F13A1: variants seen among roughly 807,000 people sequenced by gnomAD.
F13A1 encodes FSF, A subunit.
F13A1 carries 47 observed loss-of-function variants against 80.1 expected under a neutral mutation model. The observed-to-expected ratio is 0.59, with a 90% CI of 0.46 to 0.75. F13A1 has a LOEUF of 0.75. Among genes scored for constraint, F13A1 ranks in the 30% least tolerant of loss-of-function variants. The pLI, the probability that F13A1 is intolerant of heterozygous loss-of-function variation, is 0.00. For synonymous variants in F13A1, 349 were observed against 344.9 expected (o/e 1.01, Z -0.13); for missense variants, 817 against 930.4 (o/e 0.88, Z 1.59).
At chr6:6,203,934 C>T (rs537524744) in intron 8 of F13A1, among the ~76,000 whole-genome samples, 24 of 152,058 alleles carry the variant, frequency 1.6e-4, no homozygotes, top group South Asian at 4.2e-4. Context: ...AGGTTCCCTC[C>T]GAAACACTGA....
chr6:6,245,092 T>G (rs557423867), intron 6 of F13A1, among the ~76,000 whole-genome samples: 1 of 152,210 alleles, frequency 6.6e-6, no homozygotes, highest in South Asian at 2.1e-4. Flanking sequence ...GGAACAGTTA[T>G]GACAACTTGC....
chr6:6,176,425 G>T (rs1256581287), intron 11 of F13A1, among the ~76,000 whole-genome samples: 3 of 152,196 alleles, frequency 2.0e-5, no homozygotes, highest in African/African-American at 7.2e-5. Context: ...TAAAATAAGG[G>T]TGTCTACATC....
chr6:6,227,792 G>A (rs1742929), intron 6 of F13A1, among the ~76,000 whole-genome samples: 19,765 of 152,066 alleles, frequency 0.13, 1,364 homozygotes, highest in East Asian at 0.15. Context: ...TCAGCTAAGG[G>A]GAAGAGTAAG....
intron 6 of F13A1, among the ~76,000 whole-genome samples, chr6:6,229,751 AC>A (rs576475637): frequency 4.0e-5 from 6 of 151,896 alleles, no homozygotes; most frequent in South Asian, 2.1e-4. Context: ...GACCCGAGAG[AC>A]CCCCCCAAAT....
chr6:6,179,085 T>C (rs1159050560), intron 11 of F13A1, among the ~76,000 whole-genome samples: 2 of 152,194 alleles, frequency 1.3e-5, no homozygotes, highest in Admixed American at 1.3e-4. Context: ...ATTTTTGTTT[T>C]TAACACAGCA....
chr6:6,252,726 T>C (rs1273107031), intron 4 of F13A1, among the ~76,000 whole-genome samples: 1 of 152,208 alleles, frequency 6.6e-6, no homozygotes, highest in Non-Finnish European at 1.5e-5. Context: ...CAATTGGATG[T>C]GAACATTCAG....
chr6:6,309,067 C>G (rs1484632154), intron 2 of F13A1, among the ~76,000 whole-genome samples: 1 of 152,036 alleles, frequency 6.6e-6, no homozygotes, highest in African/African-American at 2.4e-5. Flanking sequence ...GCTCACTGTC[C>G]CATGCTCTTA....
At chr6:6,307,384 C>G (rs1461894345) in intron 2 of F13A1, among the ~76,000 whole-genome samples, 2 of 152,160 alleles carry the variant, frequency 1.3e-5, no homozygotes, top group East Asian at 3.9e-4. Context: ...TTCTCTAGAC[C>G]TCTCTATTCC....
intron 2 of F13A1, among the ~76,000 whole-genome samples, chr6:6,312,394 G>A (rs1016637284): frequency 7.5e-4 from 112 of 148,626 alleles, no homozygotes; most frequent in East Asian, 3.2e-3. Context: ...CTTGGGGGCC[G>A]GGCGCGGTGG....
intron 4 of F13A1, among the ~76,000 whole-genome samples, chr6:6,265,299 G>A (rs1211700761): frequency 6.6e-6 from 1 of 152,156 alleles, no homozygotes; most frequent in Non-Finnish European, 1.5e-5. Context: ...AGAGAGCAGT[G>A]CATATGGGGT....
At chr6:6,183,529 A>G (rs2151077656) in intron 10 of F13A1, among the ~76,000 whole-genome samples, 1 of 152,354 alleles carries the variant, frequency 6.6e-6, no homozygotes, top group East Asian at 1.9e-4. Context: ...CTGATTAAGG[A>G]GGTGGGACCT....
intron 12 of F13A1, 64 bp from the exon 13 acceptor site, chr6:6,167,682 C>T: frequency 1.3e-6 from 2 of 1,579,430 alleles, no homozygotes; most frequent in Non-Finnish European, 1.7e-6. Context: ...CTTTACTTTT[C>T]TCCAAGTTTC....
intron 4 of F13A1, among the ~76,000 whole-genome samples, chr6:6,255,963 A>G (rs1757697470): frequency 6.6e-6 from 1 of 152,168 alleles, no homozygotes; most frequent in Non-Finnish European, 1.5e-5. Context: ...GGAAACTCCA[A>G]AAAAACTCCC....
At chr6:6,277,037 C>A (rs992715027) in intron 3 of F13A1, among the ~76,000 whole-genome samples, 2 of 152,026 alleles carry the variant, frequency 1.3e-5, no homozygotes, top group Non-Finnish European at 2.9e-5. Flanking sequence ...GTGGTACACA[C>A]CTCACTATAT....
At chr6:6,310,467 T>C (rs1179684004) in intron 2 of F13A1, among the ~76,000 whole-genome samples, 1 of 152,192 alleles carries the variant, frequency 6.6e-6, no homozygotes, top group African/African-American at 2.4e-5. Flanking sequence ...ACCTATCTTA[T>C]AGAGTGGCTG....
chr6:6,248,229 T>C (rs1315411313), intron 6 of F13A1, 83 bp downstream of exon 6: 3 of 1,086,088 alleles, frequency 2.8e-6, no homozygotes, highest in Non-Finnish European at 4.2e-6. Flanking sequence ...AGTCATCATT[T>C]CAGCAGCTCT....
At chr6:6,220,229 C>T (rs1184625847) in intron 8 of F13A1, among the ~76,000 whole-genome samples, 2 of 152,224 alleles carry the variant, frequency 1.3e-5, no homozygotes, top group Admixed American at 1.3e-4. Flanking sequence ...AGAGGAGTCT[C>T]GGGCAGTGGT....
intron 6 of F13A1, among the ~76,000 whole-genome samples, chr6:6,246,608 C>T (rs79117267): frequency 0.032 from 4,864 of 152,292 alleles, 226 homozygotes; most frequent in African/African-American, 0.1. Context: ...ATAGGCTTTA[C>T]ATGATTAATA....
chr6:6,267,705 C>T (rs1757864641), intron 3 of F13A1, among the ~76,000 whole-genome samples: 1 of 151,654 alleles, frequency 6.6e-6, no homozygotes. Context: ...TAAAAATAAA[C>T]TTAGAGATAA....
Sources: allele counts gnomAD v4.1 joint callset (sites outside exome capture counted in the v4.1 genomes callset), GRCh38; gene constraint gnomAD v4.1.1; transcripts MANE v1.5; gene names NCBI Gene and HGNC (gene_info 2026-07-23, HGNC 2026-07-21).